Variants in DGKI observed in about 807,000 individuals in gnomAD.
DGKI encodes the protein diacylglycerol kinase iota.
Under a neutral mutation model 147.5 loss-of-function variants are expected in DGKI, and 55 were observed. The observed-to-expected ratio is 0.37, with a 90% CI of 0.30 to 0.47. DGKI has a LOEUF of 0.47. DGKI is among the 20% of genes least tolerant of loss of function. DGKI has a pLI of 1.00. For missense variants in DGKI, 1,007 were observed against 1,323.8 expected, an observed-to-expected ratio of 0.76 and a Z score of 3.71; for synonymous variants, 469 against 477.1, an observed-to-expected ratio of 0.98 and a Z score of 0.22.
At chr7:137,638,605 T>TATATAC (rs1237752591) in intron 6 of DGKI, among the ~76,000 whole-genome samples, 2 of 14,276 alleles carry the variant, frequency 1.4e-4, no homozygotes, top group East Asian at 3.6e-3. Flanking sequence ...CATATATGTA[T>TATATAC]ATATATACAC....
intron 1 of DGKI, among the ~76,000 whole-genome samples, chr7:137,747,934 C>A (rs1795388887): frequency 6.6e-6 from 1 of 152,156 alleles, no homozygotes; most frequent in Non-Finnish European, 1.5e-5. Flanking sequence ...CTCTAGCTAG[C>A]CAATCCTAAC....
Position 137,472,410 on chromosome 7 carries a change from TATATAC to T in DGKI, c.2374-2797_2374-2792del, listed in dbSNP as rs552068382. ...ATACATATTATAATTATTATATGTA[TATATAC>T]ATATACATATTATATGTACATATAC... On this transcript the variant is annotated intron_variant, in intron 23 of 32. Transcript: ENST00000614521. Among the ~76,000 whole-genome samples, 21 of 133,842 alleles carry T rather than the reference TATATAC, an allele frequency of 1.6e-4. 1 individual carries two copies. Among genetic ancestry groups the T allele is most frequent in the African/African-American group, 3.6e-4 (12 of 33,384 alleles). The allele number at this position is 133,842 out of a possible 152,430, so 87.8% of individuals were successfully genotyped here. A position where few individuals can be genotyped will look rare whatever the true frequency, so the allele number is the denominator to read the frequency against.
intron 1 of DGKI, among the ~76,000 whole-genome samples, chr7:137,750,901 T>C (rs1366197053): frequency 6.6e-6 from 1 of 152,180 alleles, no homozygotes; most frequent in Non-Finnish European, 1.5e-5. Context: ...CACTGGAATT[T>C]AGTAAAGACC....
chr7:137,700,835 G>A (rs375784486), intron 1 of DGKI, among the ~76,000 whole-genome samples: 1 of 151,996 alleles, frequency 6.6e-6, no homozygotes, highest in Admixed American at 6.5e-5. Flanking sequence ...CTGAGATGGC[G>A]CCACTGCACT....
intron 20 of DGKI, among the ~76,000 whole-genome samples, chr7:137,537,862 T>C (rs1585209697): frequency 6.6e-6 from 1 of 152,204 alleles, no homozygotes; most frequent in Non-Finnish European, 1.5e-5. Context: ...CACTTTGGTA[T>C]CATTTTTGTT....
chr7:137,441,206 G>A (rs1392969367), intron 28 of DGKI, among the ~76,000 whole-genome samples: 1 of 151,986 alleles, frequency 6.6e-6, no homozygotes, highest in Non-Finnish European at 1.5e-5. Flanking sequence ...GAATCGAGAG[G>A]TCAGGAGATC....
chr7:137,642,929 A>AGTGTGTGTGTGTGTGTGAGT (rs1821684282), intron 6 of DGKI, among the ~76,000 whole-genome samples: 1 of 121,172 alleles, frequency 8.3e-6, no homozygotes, highest in Non-Finnish European at 1.7e-5. Context: ...ATTATGGAAT[A>AGTGTGTGTGTGTGTGTGAGT]GTGTGTGTGT....
intron 28 of DGKI, among the ~76,000 whole-genome samples, chr7:137,418,396 G>T (rs1052020092): frequency 3.9e-5 from 6 of 152,200 alleles, no homozygotes; most frequent in African/African-American, 1.4e-4. Context: ...CACAGAAAAA[G>T]AATTATTTTA....
At chr7:137,395,996 C>T (rs548142450) in intron 31 of DGKI, 85 of 331,552 alleles carry the variant, frequency 2.6e-4, no homozygotes, top group Admixed American at 8.9e-4. Context: ...CAGTATTAAA[C>T]AGACTAATTG....
chr7:137,744,234 G>A (rs1795261931), intron 1 of DGKI, among the ~76,000 whole-genome samples: 1 of 152,020 alleles, frequency 6.6e-6, no homozygotes, highest in South Asian at 2.1e-4. Flanking sequence ...AAATACAAAA[G>A]ATTATCAGAA....
intron 6 of DGKI, among the ~76,000 whole-genome samples, chr7:137,630,780 T>C (rs962814330): frequency 1.3e-5 from 2 of 152,186 alleles, no homozygotes; most frequent in African/African-American, 2.4e-5. Context: ...GCCAAAATCA[T>C]ATATGAACCT....
intron 1 of DGKI, among the ~76,000 whole-genome samples, chr7:137,728,638 T>C (rs952187929): frequency 2.0e-5 from 3 of 152,112 alleles, no homozygotes; most frequent in African/African-American, 7.2e-5. Context: ...GAAACCTAAC[T>C]ATCCTCAGGC....
At chr7:137,730,033 AC>A (rs138113908) in intron 1 of DGKI, among the ~76,000 whole-genome samples, 1 of 152,224 alleles carries the variant, frequency 6.6e-6, no homozygotes, top group East Asian at 1.9e-4. Context: ...CACAATGCAG[AC>A]CAAGTTTTTC....
chr7:137,545,917 G>A (rs764938688), intron 20 of DGKI: 1 of 702,636 alleles, frequency 1.4e-6, no homozygotes, highest in South Asian at 1.5e-5. Flanking sequence ...AGGAGCCGGG[G>A]GGAGCAGACA....
At position 137,722,308 on chromosome 7, in the gene DGKI, A is replaced by G; in HGVS notation, c.402-32306T>C. 7 of 1,612,768 alleles carry G rather than the reference A, an allele frequency of 4.3e-6. No homozygotes were observed. In the South Asian group the frequency reaches 7.7e-5, roughly 18 times the overall value. ...CAAGAACGGCAGTACCCGGGTGGTT[A>G]AACTTCGCAAAATGCCTAGATATTA... is the stretch of plus-strand genomic sequence containing the variant. On this transcript the variant is annotated intron_variant, in intron 1 of 32. Transcript: ENST00000614521.
At chr7:137,602,141 CAACT>C (rs1288597229) in intron 10 of DGKI, among the ~76,000 whole-genome samples, 3 of 152,118 alleles carry the variant, frequency 2.0e-5, no homozygotes, top group African/African-American at 7.2e-5. Flanking sequence ...AAAACATTTC[CAACT>C]GACTTGCTAG....
intron 1 of DGKI, among the ~76,000 whole-genome samples, chr7:137,742,297 G>A (rs957875934): frequency 1.8e-4 from 27 of 151,760 alleles, no homozygotes; most frequent in South Asian, 6.3e-4. Flanking sequence ...TGGTTGGTGC[G>A]CTGTTACATC....
intron 21 of DGKI, among the ~76,000 whole-genome samples, chr7:137,516,338 T>C (rs184155608): frequency 6.6e-6 from 1 of 152,132 alleles, no homozygotes; most frequent in Non-Finnish European, 1.5e-5. Flanking sequence ...TCTTAAGAAA[T>C]GTCTAGTTTA....
intron 1 of DGKI, among the ~76,000 whole-genome samples, chr7:137,767,308 T>C (rs1796040922): frequency 1.3e-5 from 2 of 151,274 alleles, no homozygotes; most frequent in South Asian, 2.1e-4. Context: ...TTTTAAAGTG[T>C]CACAGGGGAA....
Sources: gnomAD v4.1 joint callset for allele counts (sites outside exome capture counted in the v4.1 genomes callset) on GRCh38, gnomAD v4.1.1 for gene constraint, MANE v1.5 for transcripts, NCBI Gene and HGNC (gene_info 2026-07-23, HGNC 2026-07-21) for gene names.